GLRX3: variants seen among roughly 807,000 people sequenced by gnomAD.
The protein encoded by GLRX3 is glutaredoxin 3.
In GLRX3, 22 loss-of-function variants were observed where a neutral mutation model predicts 49.5. The ratio of observed to expected loss-of-function variants is 0.44; its 90% confidence interval spans 0.32 to 0.63. GLRX3 has a LOEUF of 0.63. Among genes scored for constraint, GLRX3 ranks in the 30% least tolerant of loss-of-function variants. The probability of loss-of-function intolerance (pLI) is 0.05; values close to 1 mark genes in which losing one functional copy is unlikely to be tolerated. For synonymous variants in GLRX3, 133 were observed against 140.0 expected, an observed-to-expected ratio of 0.95 and a Z score of 0.35; for missense variants, 385 against 396.3, an observed-to-expected ratio of 0.97 and a Z score of 0.24.
chr10:130,166,553 G>A lies in GLRX3; in HGVS notation c.525G>A (p.Gln175=). 1.9e-6 allele frequency: 3 copies of A among 1,613,040 alleles called. No individual in the cohort carries two copies. Among genetic ancestry groups the A allele is most frequent in the Non-Finnish European group, 1.7e-6 (2 of 1,179,088 alleles). The change falls in exon 5 of 11, where the codon CAG becomes CAA. Residue 175 remains glutamine (Q), a synonymous_variant. Coordinates refer to ENST00000331244, the MANE Select transcript of GLRX3 (RefSeq NM_006541.5). ...AAATTCTTCACAAACATAATATTCA[G>A]TTTAGCAGTTTTGATATCTTCTCAG... ...MVEILHKHNI[Q]FSSFDIFSDE...
intron 8 of GLRX3, among the ~76,000 whole-genome samples, chr10:130,173,419 G>A (rs528669902): frequency 6.6e-6 from 1 of 152,256 alleles, no homozygotes; most frequent in East Asian, 1.9e-4. Flanking sequence ...CGCTTAACAC[G>A]AGCAGACCAT....
intron 7 of GLRX3, among the ~76,000 whole-genome samples, chr10:130,169,985 G>T (rs995206713): frequency 6.6e-6 from 1 of 152,174 alleles, no homozygotes; most frequent in Non-Finnish European, 1.5e-5. Context: ...TAATGGGATG[G>T]TTCTTACAGC....
intron 1 of GLRX3, among the ~76,000 whole-genome samples, chr10:130,137,057 C>T (rs565988410): frequency 6.6e-6 from 1 of 151,990 alleles, no homozygotes; most frequent in East Asian, 2.0e-4. Flanking sequence ...GAGGGAAGGC[C>T]CCGTTGCATT....
At position 130,174,856 on chromosome 10, in the gene GLRX3, CT is replaced by C. The variant is rs34722779; in HGVS notation, c.825-5del. 6.5e-7 allele frequency: 1 copy of C among 1,547,270 alleles called. No homozygotes were observed. Among genetic ancestry groups the C allele is most frequent in the Non-Finnish European group, 8.9e-7 (1 of 1,119,642 alleles). On this transcript the variant is annotated splice_polypyrimidine_tract_variant and intron_variant, in intron 8 of 10. Coordinates refer to ENST00000331244, the MANE Select transcript of GLRX3 (RefSeq NM_006541.5). ...TGTATTTCCAGTTAAAATGTCTTCT[CT>C]TTTTTGCAGTGTTGAATATGAAACA... is the stretch of plus-strand genomic sequence containing the variant.
chr10:130,159,529 T>C (rs1862536645), intron 2 of GLRX3, among the ~76,000 whole-genome samples: 1 of 152,234 alleles, frequency 6.6e-6, no homozygotes, highest in Non-Finnish European at 1.5e-5. Context: ...TAGTCCTTTT[T>C]GCTTCATAAT....
Position 130,145,220 on chromosome 10 carries a change from TG to T in GLRX3, c.103del (p.Val35TrpfsTer15). ...TTTAATTGATTTACAGGTCCCTCCT[TG>T]TGGTCCATTTCTGGGCACCATGGGC... ...LLRLKAKSLLVVHFWAPWAPQ... is the reference protein window; with the variant it reads ...LLRLKAKSLLXVHFWAPWAPQ... On this transcript the variant is annotated frameshift_variant, in exon 2 of 11. Transcript: ENST00000331244. LOFTEE classifies it high-confidence loss of function. The T allele has an allele frequency of 7.1e-7, 1 of 1,400,848 alleles. No homozygotes were observed. Among genetic ancestry groups the T allele is most frequent in the Non-Finnish European group, 1.0e-6 (1 of 1,002,828 alleles). 86.8% of individuals were successfully genotyped at this position (1,400,848 alleles called of 1,614,324 possible).
intron 8 of GLRX3, among the ~76,000 whole-genome samples, chr10:130,173,065 TG>T (rs1262458595): frequency 6.6e-6 from 1 of 152,188 alleles, no homozygotes; most frequent in Non-Finnish European, 1.5e-5. Flanking sequence ...GGCCATACAG[TG>T]GGGGCTGGCT....
chr10:130,155,829 T>C (rs144712216), intron 2 of GLRX3, among the ~76,000 whole-genome samples: 3,879 of 152,180 alleles, frequency 0.025, 68 homozygotes, highest in Middle Eastern at 0.037. Flanking sequence ...CACATGCCGG[T>C]GTTCAGGGGC....
At chr10:130,148,596 A>G (rs1862312765) in intron 2 of GLRX3, among the ~76,000 whole-genome samples, 1 of 152,060 alleles carries the variant, frequency 6.6e-6, no homozygotes, top group Admixed American at 6.6e-5. Context: ...TTTTGTGACT[A>G]TCAACAATTT....
intron 7 of GLRX3, among the ~76,000 whole-genome samples, chr10:130,170,012 A>T (rs1186340383): frequency 6.6e-6 from 1 of 152,246 alleles, no homozygotes. Context: ...ATGTAAGTAC[A>T]TATTGATTAT....
intron 1 of GLRX3, among the ~76,000 whole-genome samples, chr10:130,138,777 C>T (rs1040101143): frequency 1.4e-5 from 2 of 147,328 alleles, no homozygotes; most frequent in Non-Finnish European, 3.0e-5. Flanking sequence ...GCTGTTTTGT[C>T]TGTTTTACAT....
At chr10:130,176,232 G>A (rs1378196555) in intron 10 of GLRX3, among the ~76,000 whole-genome samples, 1 of 150,830 alleles carries the variant, frequency 6.6e-6, no homozygotes, top group Non-Finnish European at 1.5e-5. Context: ...TGATTCTCCT[G>A]CCTCAGCCTC....
Position 130,147,593 on chromosome 10 carries a change from A to G in GLRX3, c.201+2274A>G, listed in dbSNP as rs79160834. 6.1e-3 allele frequency among the ~76,000 whole-genome samples: 933 copies of G among 152,336 alleles called. 13 individuals carry two copies. Among genetic ancestry groups the G allele is most frequent in the African/African-American group, 0.021 (886 of 41,580 alleles). Reference sequence around the variant, plus strand: ...CTTCCAGGAGTCATCACTTTCCAGAAATTCACTCTATAACATAGTTTTTCT... The same window carrying G: ...CTTCCAGGAGTCATCACTTTCCAGAGATTCACTCTATAACATAGTTTTTCT... On this transcript the variant is annotated intron_variant, in intron 2 of 10. Transcript: ENST00000331244.
At chr10:130,159,961 G>A (rs772119280) in intron 2 of GLRX3, 34 bp from the exon 3 acceptor site, 7 of 1,403,506 alleles carry the variant, frequency 5.0e-6, no homozygotes, top group Non-Finnish European at 7.1e-6. Flanking sequence ...AAAGGACCTT[G>A]TAATAATCAA....
intron 2 of GLRX3, among the ~76,000 whole-genome samples, chr10:130,148,009 T>A (rs11017106): frequency 0.041 from 6,241 of 152,210 alleles, 184 homozygotes; most frequent in East Asian, 0.12. Flanking sequence ...CGTAGAGTGA[T>A]ACCATGTCTC....
chr10:130,150,924 G>A (rs1159585937), intron 2 of GLRX3, among the ~76,000 whole-genome samples: 1 of 150,172 alleles, frequency 6.7e-6, no homozygotes, highest in Non-Finnish European at 1.5e-5. Context: ...AATTCTGGTA[G>A]AATTGTTTTT....
intron 10 of GLRX3, among the ~76,000 whole-genome samples, chr10:130,177,582 A>G (rs1350021095): frequency 6.6e-6 from 1 of 152,202 alleles, no homozygotes; most frequent in Non-Finnish European, 1.5e-5. Flanking sequence ...ATTGTCCACC[A>G]TCCCATAACT....
rs1217976283 is a variant in GLRX3 at position 130,139,703 on chromosome 10, G to A, written c.92+3191G>A. 2.0e-5 allele frequency among the ~76,000 whole-genome samples: 3 copies of A among 151,624 alleles called. No individual in the cohort carries two copies. In the East Asian group the frequency reaches 5.8e-4, roughly 29 times the overall value. ...CTTACACCAGCAAACCCAGCACTTT[G>A]GGAGGATGGCTTGAGGCCAGGAGTT... On this transcript the variant is annotated intron_variant, in intron 1 of 10. Transcript: ENST00000331244.
In GLRX3 at chr10:130,145,833, GT is replaced by G. The variant is rs1370053488; in HGVS notation, c.201+516del. Among the ~76,000 whole-genome samples the G allele has an allele frequency of 2.0e-5, 3 of 149,782 alleles. No homozygotes were observed. In the East Asian group the frequency reaches 6.0e-4, roughly 30 times the overall value. Reference sequence around the variant, plus strand: ...TTTTTTTTTTTTGAGACAGAGTCTTGTTCTGTCGCCCAGGCTGGAGTGCAGC... The same window carrying G: ...TTTTTTTTTTTTGAGACAGAGTCTTGTCTGTCGCCCAGGCTGGAGTGCAGC... On this transcript the variant is annotated intron_variant, in intron 2 of 10. Transcript: ENST00000331244.
Sources: gnomAD v4.1 joint callset for allele counts (sites outside exome capture counted in the v4.1 genomes callset) on GRCh38, gnomAD v4.1.1 for gene constraint, MANE v1.5 for transcripts, NCBI Gene and HGNC (gene_info 2026-07-23, HGNC 2026-07-21) for gene names.